Variants in RPRD1A observed in about 807,000 individuals in gnomAD.
RPRD1A encodes regulation of nuclear pre-mRNA domain containing 1A.
A neutral mutation model predicts 37.8 loss-of-function variants in RPRD1A; 9 were observed. The observed-to-expected ratio is 0.24, with a 90% confidence interval of 0.14 to 0.42. The LOEUF (loss-of-function observed/expected upper bound fraction) is 0.42. RPRD1A is among the 10% of genes least tolerant of loss of function. The pLI, the probability that RPRD1A is intolerant of heterozygous loss-of-function variation, is 1.00. For synonymous variants in RPRD1A, 138 were observed against 139.7 expected (o/e 0.99, Z 0.08); for missense variants, 255 against 371.0 (o/e 0.69, Z 2.57).
intron 1 of RPRD1A, among the ~76,000 whole-genome samples, chr18:36,035,456 G>A (rs1912122462): frequency 6.6e-6 from 1 of 152,168 alleles, no homozygotes; most frequent in Non-Finnish European, 1.5e-5. Context: ...GGGAAATAAT[G>A]AGGAAGAGAT....
chr18:36,036,200 G>A (rs535234756), intron 1 of RPRD1A, among the ~76,000 whole-genome samples: 2 of 152,066 alleles, frequency 1.3e-5, no homozygotes, highest in South Asian at 4.1e-4. Flanking sequence ...CAGCTTCCAA[G>A]TAGCTGGAAC....
intron 6 of RPRD1A, among the ~76,000 whole-genome samples, chr18:36,023,885 G>A (rs1374376834): frequency 6.6e-6 from 1 of 152,136 alleles, no homozygotes; most frequent in Non-Finnish European, 1.5e-5. Flanking sequence ...TTAGACAACA[G>A]TAAAGTGTAA....
chr18:36,011,154 A>T (rs1910154496), intron 6 of RPRD1A, among the ~76,000 whole-genome samples: 1 of 152,188 alleles, frequency 6.6e-6, no homozygotes, highest in African/African-American at 2.4e-5. Flanking sequence ...GGCAGTTTTA[A>T]GCACCCAACT....
intron 6 of RPRD1A, among the ~76,000 whole-genome samples, chr18:35,994,340 G>GC (rs1908893094): frequency 6.6e-6 from 1 of 152,188 alleles, no homozygotes; most frequent in Non-Finnish European, 1.5e-5. Flanking sequence ...GGAGTTTACT[G>GC]CAACTCTCCA....
chr18:36,034,619 G>A (rs1009638752), intron 1 of RPRD1A, among the ~76,000 whole-genome samples: 3 of 152,124 alleles, frequency 2.0e-5, no homozygotes, highest in Non-Finnish European at 2.9e-5. Flanking sequence ...TATTTTACTA[G>A]AATTAAATTT....
chr18:36,003,164 T>C (rs1909528441), intron 6 of RPRD1A, among the ~76,000 whole-genome samples: 1 of 152,230 alleles, frequency 6.6e-6, no homozygotes, highest in African/African-American at 2.4e-5. Context: ...TGCCTCTGGA[T>C]ACACTGTGGC....
chr18:36,000,926 G>C (rs140758619), intron 6 of RPRD1A, among the ~76,000 whole-genome samples: 11 of 152,226 alleles, frequency 7.2e-5, no homozygotes, highest in African/African-American at 1.2e-4. Context: ...TTATCCAAAT[G>C]AAAGTTCAAC....
At chr18:36,064,931 G>A (rs1420803226) in intron 1 of RPRD1A, among the ~76,000 whole-genome samples, 3 of 149,452 alleles carry the variant, frequency 2.0e-5, no homozygotes, top group African/African-American at 4.9e-5. Flanking sequence ...CAACAACTCC[G>A]GATGGAAGGA....
chr18:35,999,582 G>C (rs1460369740), intron 6 of RPRD1A, among the ~76,000 whole-genome samples: 2 of 151,948 alleles, frequency 1.3e-5, no homozygotes, highest in Admixed American at 6.6e-5. Context: ...TATTTACATG[G>C]CTGCCTTTTT....
intron 6 of RPRD1A, among the ~76,000 whole-genome samples, chr18:36,016,300 G>A (rs1175588291): frequency 2.6e-5 from 4 of 152,058 alleles, no homozygotes; most frequent in Admixed American, 1.3e-4. Flanking sequence ...TTGGCTCACC[G>A]CAACCTCCAC....
chr18:36,065,068 G>A (rs2089000725), intron 1 of RPRD1A, among the ~76,000 whole-genome samples: 1 of 152,120 alleles, frequency 6.6e-6, no homozygotes, highest in South Asian at 2.1e-4. Flanking sequence ...CTGAACATCA[G>A]AATGAACAAA....
Position 36,043,583 on chromosome 18 carries a change from C to T in RPRD1A, c.152-9746G>A, listed in dbSNP as rs114390641. ...AACTTCATCCTGGACCATTAGACCA[C>T]CATAAAATACACTGTCAACTGGAAC... On this transcript the variant is annotated intron_variant, in intron 1 of 6. Coordinates refer to ENST00000399022, the MANE Select transcript of RPRD1A (RefSeq NM_018170.5). Among the ~76,000 whole-genome samples, 671 of 152,232 alleles carry T rather than the reference C, an allele frequency of 4.4e-3. 1 individual carries two copies. The highest frequency in any genetic ancestry group is 0.015 in the African/African-American group (627 of 41,546).
At chr18:36,035,416 A>G (rs58309545) in intron 1 of RPRD1A, among the ~76,000 whole-genome samples, 2,078 of 152,322 alleles carry the variant, frequency 0.014, 56 homozygotes, top group African/African-American at 0.047. Flanking sequence ...GCAGCTGAAC[A>G]AACAAAGCCA....
chr18:36,044,087 G>C (rs1418674650), intron 1 of RPRD1A, among the ~76,000 whole-genome samples: 4 of 152,132 alleles, frequency 2.6e-5, no homozygotes, highest in African/African-American at 9.7e-5. Flanking sequence ...ATTAAGTGGA[G>C]GTGTTTTCAT....
chr18:36,027,167 A>G lies in RPRD1A; in HGVS notation c.613+17T>C. On this transcript the variant is annotated intron_variant, in intron 5 of 6. Coordinates refer to ENST00000399022, the MANE Select transcript of RPRD1A (RefSeq NM_018170.5). ...CCAACTCCCAAAAAAGTTCTGGATC[A>G]CATTTTCTTTTCTTACCTGTTATTT... 6.2e-7 allele frequency: 1 copy of G among 1,613,546 alleles called. No individual in the cohort carries two copies.
intron 6 of RPRD1A, among the ~76,000 whole-genome samples, chr18:36,023,135 G>GC (rs1434154177): frequency 6.6e-6 from 1 of 152,184 alleles, no homozygotes; most frequent in African/African-American, 2.4e-5. Context: ...ATTTCGTAAG[G>GC]CTATATAGCT....
intron 6 of RPRD1A, among the ~76,000 whole-genome samples, chr18:36,020,286 T>C (rs563427105): frequency 1.2e-4 from 19 of 152,266 alleles, no homozygotes; most frequent in Non-Finnish European, 2.5e-4. Context: ...AGATGGAAGA[T>C]AAGAAGCTCA....
At chr18:36,037,285 TG>T (rs760686144) in intron 1 of RPRD1A, among the ~76,000 whole-genome samples, 6 of 152,074 alleles carry the variant, frequency 3.9e-5, no homozygotes, top group Non-Finnish European at 7.4e-5. Flanking sequence ...TAACTGATCA[TG>T]GGGGCAGCTA....
chr18:36,021,170 T>C (rs1910967655), intron 6 of RPRD1A, among the ~76,000 whole-genome samples: 1 of 152,188 alleles, frequency 6.6e-6, no homozygotes. Context: ...ATTCTAAATT[T>C]AAATCAAATA....
Sources: allele counts gnomAD v4.1 joint callset (sites outside exome capture counted in the v4.1 genomes callset), GRCh38; gene constraint gnomAD v4.1.1; transcripts MANE v1.5; gene names NCBI Gene and HGNC (gene_info 2026-07-23, HGNC 2026-07-21).